The following PCDHGA1 variants were observed in gnomAD, a reference collection of about 807,000 sequenced individuals.
PCDHGA1 encodes protocadherin gamma-A1.
In PCDHGA1, 32 loss-of-function variants were observed where a neutral mutation model predicts 58.0. The ratio of observed to expected loss-of-function variants is 0.55; its 90% CI spans 0.42 to 0.74. The LOEUF (loss-of-function observed/expected upper bound fraction) is 0.74. Ranked by LOEUF, PCDHGA1 falls within the 30% of genes least tolerant of loss-of-function variation. The pLI is 0.00. For synonymous variants in PCDHGA1, 498 were observed against 501.1 expected, an observed-to-expected ratio of 0.99 and a Z score of 0.08; for missense variants, 1,205 against 1,182.3, an observed-to-expected ratio of 1.02 and a Z score of -0.28.
chr5:141,468,067 G>A (rs560511893), intron 1 of PCDHGA1, among the ~76,000 whole-genome samples: 34 of 152,032 alleles, frequency 2.2e-4, no homozygotes, highest in Non-Finnish European at 4.0e-4. Flanking sequence ...GCTCACACCT[G>A]TAATCCCAGC....
intron 1 of PCDHGA1, chr5:141,414,687 T>G: frequency 1.2e-6 from 2 of 1,614,004 alleles, no homozygotes; most frequent in East Asian, 4.5e-5. Flanking sequence ...AGGGGGTACC[T>G]CTGTCCTCAT....
chr5:141,466,401 T>A (rs2099122186), intron 1 of PCDHGA1, among the ~76,000 whole-genome samples: 1 of 152,210 alleles, frequency 6.6e-6, no homozygotes, highest in Non-Finnish European at 1.5e-5. Flanking sequence ...TTTGCTCAAC[T>A]TTAATTTTTC....
rs747513122 is a variant in PCDHGA1, at chr5:141,361,367, A to G, written c.2421+28262A>G. The stretch of plus-strand genomic sequence containing the variant: ...AAACTAGTGACAGACGGCGCTCTGG[A>G]CCGGGAGGAGATCCCAGAATACAAT... On this transcript the variant is annotated intron_variant, in intron 1 of 3. Transcript: ENST00000517417. 8 of 1,613,876 alleles carry G rather than the reference A, an allele frequency of 5.0e-6. No individual in the cohort carries two copies. In the Admixed American group the frequency reaches 1.3e-4, roughly 27 times the overall value.
intron 1 of PCDHGA1, chr5:141,422,963 C>G (rs372620011): frequency 1.1e-5 from 17 of 1,614,238 alleles, no homozygotes; most frequent in Non-Finnish European, 1.4e-5. Context: ...GTGGAGCTGG[C>G]GCCCCGCTCT....
intron 1 of PCDHGA1, chr5:141,344,021 C>G: frequency 6.6e-7 from 1 of 1,520,128 alleles, no homozygotes; most frequent in Non-Finnish European, 8.8e-7. Flanking sequence ...GAAAGCGATT[C>G]ACCGAAAAGG....
rs1048758308 is a variant in PCDHGA1 at position 141,498,931 on chromosome 5, A to T, written c.2480+4066A>T. Among the ~76,000 whole-genome samples the T allele has an allele frequency of 6.2e-4, 88 of 141,764 alleles. 1 individual carries two copies. Among genetic ancestry groups the T allele is most frequent in the Non-Finnish European group, 1.1e-3 (70 of 64,686 alleles). 93.0% of individuals were successfully genotyped at this position (141,764 alleles called of 152,430 possible). On this transcript the variant is annotated intron_variant, in intron 2 of 3. Coordinates refer to ENST00000517417, the MANE Select transcript of PCDHGA1 (RefSeq NM_018912.3). ...CTGGGTGACAGAGCGAGACTCCATC[A>T]GGAAAGAAAGAAAGAAAAAGAGAGA... is the stretch of plus-strand genomic sequence containing the variant.
rs1263521870 is a variant in PCDHGA1 at position 141,334,882 on chromosome 5, G to A, written c.2421+1777G>A. ...ACTGAACCCAGGAGGGAAGGAGAGA[G>A]GGATATAGTGTAGAAGAGAAAAAAA... On this transcript the variant is annotated intron_variant, in intron 1 of 3. Coordinates refer to ENST00000517417, the MANE Select transcript of PCDHGA1 (RefSeq NM_018912.3). The surrounding 1 kb of genome is among the most constrained non-coding windows in gnomAD (Gnocchi z 4.6). Among the ~76,000 whole-genome samples the A allele has an allele frequency of 1.3e-5, 2 of 152,190 alleles. No individual in the cohort carries two copies. The highest frequency in any genetic ancestry group is 6.5e-5 in the Admixed American group (1 of 15,298).
At chr5:141,410,818 T>G in intron 1 of PCDHGA1, 2 of 556,016 alleles carry the variant, frequency 3.6e-6, no homozygotes, top group Non-Finnish European at 5.8e-6. Context: ...TGTAAAATAA[T>G]GTCACCAGAC....
rs753030509 is a variant in PCDHGA1, at chr5:141,431,672, G to A, written c.2422-63135G>A. On this transcript the variant is annotated intron_variant, in intron 1 of 3. Transcript: ENST00000517417. The surrounding 1 kb of genome is among the most constrained non-coding windows in gnomAD (Gnocchi z 4.8). ...TAATTCAGGGACAATATCAACAATA[G>A]GGGAGTTGGACCACGAGGAGTCAGG... The A allele has an allele frequency of 9.3e-6, 15 of 1,614,110 alleles. No homozygotes were observed. Among genetic ancestry groups the A allele is most frequent in the African/African-American group, 4.0e-5 (3 of 74,948 alleles).
At chr5:141,413,001 G>C in intron 1 of PCDHGA1, 1 of 592,908 alleles carries the variant, frequency 1.7e-6, no homozygotes, top group Non-Finnish European at 2.8e-6. Flanking sequence ...CGGATTCTCA[G>C]GGCTTCAACT....
intron 1 of PCDHGA1, among the ~76,000 whole-genome samples, chr5:141,402,117 A>G (rs1344939045): frequency 6.6e-6 from 1 of 152,172 alleles, no homozygotes; most frequent in Non-Finnish European, 1.5e-5. Context: ...AAATGTGAAA[A>G]TTTCCAACTT....
At chr5:141,462,062 A>T (rs957948334) in intron 1 of PCDHGA1, among the ~76,000 whole-genome samples, 3 of 152,168 alleles carry the variant, frequency 2.0e-5, no homozygotes, top group African/African-American at 2.4e-5. Context: ...ACCTCAGGTG[A>T]TCTGCCCGCC....
intron 1 of PCDHGA1, among the ~76,000 whole-genome samples, chr5:141,368,418 C>T (rs900475328): frequency 3.3e-5 from 5 of 151,998 alleles, no homozygotes; most frequent in Admixed American, 2.0e-4. Flanking sequence ...CACACATGGA[C>T]ATTCTGACCA....
At chr5:141,371,738 C>A (rs765693064) in intron 1 of PCDHGA1, 9 of 1,613,934 alleles carry the variant, frequency 5.6e-6, no homozygotes, top group African/African-American at 1.3e-5. Context: ...TCAACGACAA[C>A]GTTCCCGTTT....
chr5:141,420,505 T>C (rs923726040), intron 1 of PCDHGA1: 4 of 457,906 alleles, frequency 8.7e-6, no homozygotes, highest in Middle Eastern at 6.0e-4. Context: ...GGTGACATTT[T>C]TATGAAGTAA....
At chr5:141,408,967 G>GC in intron 1 of PCDHGA1, 2 of 1,613,782 alleles carry the variant, frequency 1.2e-6, no homozygotes, top group Non-Finnish European at 1.7e-6. Context: ...GTGAAAATCT[G>GC]CCCCCTGGGT....
intron 1 of PCDHGA1, among the ~76,000 whole-genome samples, chr5:141,363,586 A>T (rs1211336647): frequency 6.6e-6 from 1 of 152,232 alleles, no homozygotes; most frequent in Non-Finnish European, 1.5e-5. Context: ...TGCATAGTTA[A>T]CCCAACTCAA....
intron 1 of PCDHGA1, chr5:141,356,656 C>T (rs1197287768): frequency 1.9e-6 from 3 of 1,613,882 alleles, no homozygotes; most frequent in East Asian, 4.5e-5. Flanking sequence ...TGACAATGCC[C>T]GAATCACTTA....
chr5:141,361,413 C>T (rs1294377498), intron 1 of PCDHGA1: 1 of 1,613,902 alleles, frequency 6.2e-7, no homozygotes, highest in African/African-American at 1.3e-5. Context: ...CAGCCACCGA[C>T]GGGGGCAAGC....
Sources: allele counts gnomAD v4.1 joint callset (sites outside exome capture counted in the v4.1 genomes callset), GRCh38; gene constraint gnomAD v4.1.1; non-coding constraint Gnocchi (gnomAD v3.1); transcripts MANE v1.5; gene names NCBI Gene and HGNC (gene_info 2026-07-23, HGNC 2026-07-21).